Variants in USP8 observed in about 807,000 individuals in gnomAD.
USP8 encodes ubiquitin specific peptidase 8, also known as ubiquitin carboxyl-terminal hydrolase 8.
A neutral mutation model predicts 130.0 loss-of-function variants in USP8; 27 were observed. The ratio of observed to expected loss-of-function variants is 0.21; its 90% CI spans 0.15 to 0.29. The LOEUF (loss-of-function observed/expected upper bound fraction) is 0.29. USP8 is among the 10% of genes least tolerant of loss of function. USP8 has a pLI of 1.00. For missense variants in USP8, 1,029 were observed against 1,312.2 expected (o/e 0.78, Z 3.33); for synonymous variants, 392 against 444.1 (o/e 0.88, Z 1.48).
chr15:50,495,619 T>TAA (rs1320702808), intron 16 of USP8, among the ~76,000 whole-genome samples: 1 of 152,120 alleles, frequency 6.6e-6, no homozygotes, highest in African/African-American at 2.4e-5. Flanking sequence ...GCTTTTTAAA[T>TAA]AAAAATTTGG....
rs58329541 is a variant in USP8, at chr15:50,506,957, C to CAAAAAAAAAAA, written c.*7892_*7902dup. ...TGGGCGACAGAGCGAGACTTCATCT[C>CAAAAAAAAAAA]AAAAAAAAAAAAAAAAAAAAAAAAA... On this transcript the variant is annotated 3_prime_UTR_variant, in exon 20 of 20. Coordinates refer to ENST00000307179, the MANE Select transcript of USP8 (RefSeq NM_005154.5). The CAAAAAAAAAAA allele has an allele frequency of 5.8e-4, 27 of 46,226 alleles. 1 individual carries two copies. Among genetic ancestry groups the CAAAAAAAAAAA allele is most frequent in the African/African-American group, 2.5e-3 (26 of 10,550 alleles). The allele number at this position is 46,226 out of a possible 1,614,324, so 2.9% of individuals were successfully genotyped here. A position where few individuals can be genotyped will look rare whatever the true frequency, so the allele number is the denominator to read the frequency against.
chr15:50,496,640 A>AAAG (rs1403357405), intron 17 of USP8, among the ~76,000 whole-genome samples: 2 of 152,140 alleles, frequency 1.3e-5, no homozygotes, highest in Admixed American at 6.5e-5. Flanking sequence ...ATGTTTTTAA[A>AAAG]AAGTTTTATA....
In USP8 at chr15:50,487,579, T is replaced by C. The variant is rs2052009962; in HGVS notation, c.1891-2222T>C. Among the ~76,000 whole-genome samples the C allele has an allele frequency of 3.9e-5, 6 of 152,146 alleles. No individual in the cohort carries two copies. The South Asian group carries it at 1.2e-3, about 32-fold the overall frequency. On this transcript the variant is annotated intron_variant, in intron 12 of 19. Transcript: ENST00000307179. ...CTACAGCCAAGGTCTTTGGCAACAT[T>C]GAAAGGAAAACTAAAGTGTCTTTGT...
chr15:50,456,633 C>A (rs1293240592), intron 4 of USP8, among the ~76,000 whole-genome samples: 1 of 151,892 alleles, frequency 6.6e-6, no homozygotes, highest in Non-Finnish European at 1.5e-5. Flanking sequence ...CCCCTGTAAT[C>A]CCAGCACTTT....
chr15:50,498,254 G>A (rs2052489940), intron 18 of USP8: 1 of 180,328 alleles, frequency 5.5e-6, no homozygotes, highest in South Asian at 1.9e-4. Context: ...GAGAGCAGCT[G>A]TCATTCTTTC....
intron 10 of USP8, among the ~76,000 whole-genome samples, chr15:50,480,380 G>A (rs894937548): frequency 6.6e-6 from 1 of 152,190 alleles, no homozygotes; most frequent in African/African-American, 2.4e-5. Context: ...GCCAGGCACA[G>A]TCTTTATCCT....
At position 50,439,058 on chromosome 15, in the gene USP8, G is replaced by C. The variant is rs780999691; in HGVS notation, c.-16G>C. The C allele has an allele frequency of 1.3e-6, 2 of 1,586,248 alleles. No individual in the cohort carries two copies. The highest frequency in any genetic ancestry group is 1.7e-6 in the Non-Finnish European group (2 of 1,158,364). ...TAGCATCCATTGTGAAAGTGGAAAA[G>C]TAAAGATAATTCATCATGCCTGCTG... On this transcript the variant is annotated 5_prime_UTR_variant, in exon 2 of 20. Coordinates refer to ENST00000307179, the MANE Select transcript of USP8 (RefSeq NM_005154.5).
intron 5 of USP8, 58 bp from the exon 6 acceptor site, chr15:50,462,222 A>G (rs1215765660): frequency 6.8e-7 from 1 of 1,475,068 alleles, no homozygotes; most frequent in African/African-American, 1.4e-5. Context: ...ATGAAGTATT[A>G]AAGTTGAATT....
intron 8 of USP8, 67 bp from the exon 9 acceptor site, chr15:50,476,782 G>C: frequency 8.3e-6 from 12 of 1,452,836 alleles, no homozygotes; most frequent in South Asian, 4.7e-5. Flanking sequence ...TTAAAATTTA[G>C]ATTTGTTGTG....
At chr15:50,488,930 G>A (rs1019339064) in intron 12 of USP8, among the ~76,000 whole-genome samples, 5 of 151,810 alleles carry the variant, frequency 3.3e-5, no homozygotes, top group East Asian at 3.9e-4. Context: ...TGCCCAGGCC[G>A]ATCTCAAAAC....
chr15:50,489,410 G>A (rs975874790), intron 12 of USP8: 4 of 155,732 alleles, frequency 2.6e-5, no homozygotes, highest in African/African-American at 4.8e-5. Context: ...TTACGTAATC[G>A]TTTGCTGTGG....
intron 1 of USP8, among the ~76,000 whole-genome samples, chr15:50,430,584 T>A (rs1292874856): frequency 6.6e-6 from 1 of 152,092 alleles, no homozygotes; most frequent in East Asian, 1.9e-4. Context: ...TTTTTATTTT[T>A]TTTTTGTAGT....
rs180674425 is a variant in USP8 at position 50,490,935 on chromosome 15, C to T, written c.2234+410C>T. ...TTTTCCCCTTAGCCAATAATGTAAG[C>T]GAAGTTTTCCTATAGTATTAAAATA... is the stretch of plus-strand genomic sequence containing the variant. On this transcript the variant is annotated intron_variant, in intron 14 of 19. Coordinates refer to ENST00000307179, the MANE Select transcript of USP8 (RefSeq NM_005154.5). 1.1e-4 allele frequency among the ~76,000 whole-genome samples: 16 copies of T among 152,234 alleles called. 1 individual carries two copies. The highest frequency in any genetic ancestry group is 8.5e-4 in the Admixed American group (13 of 15,280).
At chr15:50,438,891 A>G in intron 1 of USP8, 118 bp from the exon 2 acceptor site, 1 of 478,644 alleles carries the variant, frequency 2.1e-6, no homozygotes, top group Non-Finnish European at 3.7e-6. Context: ...GATATTCTAA[A>G]CAATTTAAAA....
In USP8 at chr15:50,513,376, C is replaced by A. The variant is rs1343187854; in HGVS notation, c.*14288C>A. On this transcript the variant is annotated 3_prime_UTR_variant, in exon 20 of 20. Transcript: ENST00000307179. ...AGGCTAGTGAAATTATAACCACATG[C>A]AACAATATGGATATATCTTTAAAAT... is the stretch of plus-strand genomic sequence containing the variant. 1 of 151,760 alleles carries A rather than the reference C, an allele frequency of 6.6e-6. No individual in the cohort carries two copies. The highest frequency in any genetic ancestry group is 1.9e-4 in the East Asian group (1 of 5,196). The allele number at this position is 151,760 out of a possible 1,614,324, so 9.4% of individuals were successfully genotyped here.
At chr15:50,435,350 C>A (rs970145830) in intron 1 of USP8, among the ~76,000 whole-genome samples, 3 of 152,112 alleles carry the variant, frequency 2.0e-5, no homozygotes, top group African/African-American at 7.2e-5. Flanking sequence ...CTAACCAATA[C>A]AATGTAACAA....
chr15:50,474,231 T>TG (rs2051484934), intron 8 of USP8, among the ~76,000 whole-genome samples: 1 of 152,124 alleles, frequency 6.6e-6, no homozygotes, highest in Non-Finnish European at 1.5e-5. Context: ...TCAAAACTCC[T>TG]GGGCTCAAAC....
chr15:50,432,731 C>T (rs778198592), intron 1 of USP8, among the ~76,000 whole-genome samples: 3 of 152,084 alleles, frequency 2.0e-5, no homozygotes, highest in Non-Finnish European at 4.4e-5. Flanking sequence ...AACAATTTTA[C>T]GAAGCAGTAC....
intron 7 of USP8, among the ~76,000 whole-genome samples, chr15:50,467,991 A>G (rs1168147473): frequency 2.0e-5 from 3 of 150,368 alleles, no homozygotes; most frequent in Non-Finnish European, 3.0e-5. Context: ...CTGGAGTGCA[A>G]TGGTGTGATC....
Sources: allele counts gnomAD v4.1 joint callset (sites outside exome capture counted in the v4.1 genomes callset), GRCh38; gene constraint gnomAD v4.1.1; transcripts MANE v1.5; gene names NCBI Gene and HGNC (gene_info 2026-07-23, HGNC 2026-07-21).